KIAA2012: variants seen among roughly 807,000 people sequenced by gnomAD.
The protein encoded by KIAA2012 is uncharacterized protein KIAA2012.
Under a neutral mutation model 150.6 loss-of-function variants are expected in KIAA2012, and 125 were observed. The observed-to-expected ratio is 0.83, with a 90% CI of 0.72 to 0.96. KIAA2012 has a LOEUF of 0.96. Among genes scored for constraint, KIAA2012 ranks in the 40% least tolerant of loss-of-function variants. The pLI, the probability that KIAA2012 is intolerant of heterozygous loss-of-function variation, is 0.00. For synonymous variants in KIAA2012, 462 were observed against 504.7 expected (o/e 0.92, Z 1.13); for missense variants, 1,219 against 1,354.9 (o/e 0.90, Z 1.57).
chr2:202,084,362 G>A (rs1435520339), intron 2 of KIAA2012, among the ~76,000 whole-genome samples: 2 of 152,184 alleles, frequency 1.3e-5, no homozygotes, highest in African/African-American at 4.8e-5. Context: ...AAGACAGCCA[G>A]TGCGGGGGAA....
At chr2:202,201,308 T>A in intron 22 of KIAA2012, 8 of 1,585,224 alleles carry the variant, frequency 5.0e-6, no homozygotes, top group Non-Finnish European at 6.9e-6. Flanking sequence ...TTAATATGAC[T>A]ACAGCAGTTA....
At chr2:202,198,495 AG>A (rs931312556) in intron 22 of KIAA2012, among the ~76,000 whole-genome samples, 1 of 152,228 alleles carries the variant, frequency 6.6e-6, no homozygotes, top group Non-Finnish European at 1.5e-5. Flanking sequence ...CCTTGTTAGA[AG>A]AAAAAGCACA....
chr2:202,200,838 C>G (rs1334745137), intron 22 of KIAA2012, among the ~76,000 whole-genome samples: 3 of 151,430 alleles, frequency 2.0e-5, no homozygotes, highest in Non-Finnish European at 4.4e-5. Flanking sequence ...TCCTGAGTAG[C>G]TGGGATTACA....
intron 11 of KIAA2012, 133 bp downstream of exon 11, chr2:202,113,579 T>G (rs1413448171): frequency 1.3e-5 from 8 of 622,190 alleles, no homozygotes; most frequent in African/African-American, 1.8e-5. Flanking sequence ...TTCTCCCCTT[T>G]CACCGACACA....
intron 14 of KIAA2012, among the ~76,000 whole-genome samples, chr2:202,164,335 C>G (rs958360995): frequency 4.6e-5 from 7 of 152,186 alleles, no homozygotes; most frequent in African/African-American, 1.7e-4. Context: ...ACCCTAGAAG[C>G]CTTAAAATGC....
Position 202,193,233 on chromosome 2 carries a change from G to A in KIAA2012, c.2812-68G>A, listed in dbSNP as rs1692352107. On this transcript the variant is annotated intron_variant, in intron 19 of 23. Transcript: ENST00000498697. ...TTGATTAGAGACAACACTGTCTGGG[G>A]TGGAGAAGGGCTCACTGCTGAGACA... The A allele has an allele frequency of 8.4e-6, 12 of 1,422,714 alleles. No individual in the cohort carries two copies. In the Admixed American group the frequency reaches 1.2e-4, roughly 14 times the overall value. 88.1% of individuals were successfully genotyped at this position (1,422,714 alleles called of 1,614,324 possible). A position where few individuals can be genotyped will look rare whatever the true frequency, so the allele number is the denominator to read the frequency against.
chr2:202,084,678 A>T (rs1010430915), intron 2 of KIAA2012, among the ~76,000 whole-genome samples: 1 of 152,102 alleles, frequency 6.6e-6, no homozygotes, highest in Non-Finnish European at 1.5e-5. Flanking sequence ...TATATTTTAG[A>T]GTGACTTTTG....
intron 13 of KIAA2012, 143 bp downstream of exon 13, chr2:202,138,651 A>G: frequency 3.4e-6 from 2 of 595,012 alleles, no homozygotes; most frequent in East Asian, 2.9e-5. Flanking sequence ...CAAGTAGACT[A>G]TGAAATCACA....
Position 202,113,399 on chromosome 2 carries a change from T to C in KIAA2012, c.1715T>C (p.Leu572Pro), listed in dbSNP as rs1243931697. ...GGTCCAGATGGAGAAAAAGTCTGCC[T>C]GTCCCTCCCAGGGCATACCCAAACC... The part of the protein sequence containing the change: ...LLGPDGEKVC[L>P]SLPGHTQTEA... The change falls in exon 11 of 24, where the codon CTG (leucine) becomes CCG (proline). Residue 572 changes from leucine to proline, a missense_variant. Transcript: ENST00000498697. The C allele has an allele frequency of 1.9e-6, 3 of 1,550,496 alleles. No individual in the cohort carries two copies. Among genetic ancestry groups the C allele is most frequent in the East Asian group, 2.4e-5 (1 of 40,900 alleles).
chr2:202,190,098 AG>A, intron 18 of KIAA2012, 75 bp from the exon 19 acceptor site: 1 of 1,238,880 alleles, frequency 8.1e-7, no homozygotes, highest in East Asian at 2.7e-5. Context: ...AAAAAAAAAA[AG>A]TTACTAAAAA....
At chr2:202,132,073 G>A (rs1017276433) in intron 12 of KIAA2012, among the ~76,000 whole-genome samples, 1 of 152,150 alleles carries the variant, frequency 6.6e-6, no homozygotes, top group Non-Finnish European at 1.5e-5. Flanking sequence ...CTACTCGGGA[G>A]GCTGAGGCAG....
At chr2:202,102,081 G>A (rs1490283891) in intron 7 of KIAA2012, among the ~76,000 whole-genome samples, 1 of 152,024 alleles carries the variant, frequency 6.6e-6, no homozygotes, top group Admixed American at 6.6e-5. Context: ...TATGTTAAAA[G>A]TTGCAAACTA....
intron 22 of KIAA2012, among the ~76,000 whole-genome samples, chr2:202,199,460 T>C (rs1251148702): frequency 6.6e-6 from 1 of 152,138 alleles, no homozygotes; most frequent in East Asian, 1.9e-4. Flanking sequence ...ATTTTTTATT[T>C]TTTTTATTTT....
chr2:202,117,924 T>A (rs1286062312), intron 11 of KIAA2012, among the ~76,000 whole-genome samples: 1 of 152,174 alleles, frequency 6.6e-6, no homozygotes, highest in African/African-American at 2.4e-5. Context: ...ATCATGTGGA[T>A]CTAAAAAGTT....
intron 12 of KIAA2012, chr2:202,125,870 T>C (rs1690770957): frequency 2.2e-6 from 1 of 450,574 alleles, no homozygotes; most frequent in Non-Finnish European, 4.4e-6. Flanking sequence ...GATGATGACC[T>C]GGAGACTTTC....
chr2:202,118,032 G>T (rs979255428), intron 11 of KIAA2012, among the ~76,000 whole-genome samples: 1 of 152,140 alleles, frequency 6.6e-6, no homozygotes, highest in South Asian at 2.1e-4. Context: ...AGATTCTCTC[G>T]GTGGAGCAGT....
chr2:202,126,938 T>C (rs1690805740), intron 12 of KIAA2012, among the ~76,000 whole-genome samples: 1 of 152,134 alleles, frequency 6.6e-6, no homozygotes, highest in Non-Finnish European at 1.5e-5. Flanking sequence ...TCTGACAATA[T>C]ATGAGAGTTT....
intron 4 of KIAA2012, among the ~76,000 whole-genome samples, chr2:202,094,097 C>T (rs1689802111): frequency 6.6e-6 from 1 of 152,182 alleles, no homozygotes; most frequent in South Asian, 2.1e-4. Flanking sequence ...GCCTGGGCAA[C>T]ATAGTGAGAC....
intron 13 of KIAA2012, among the ~76,000 whole-genome samples, chr2:202,150,888 T>G (rs1691413418): frequency 6.6e-6 from 1 of 152,188 alleles, no homozygotes; most frequent in African/African-American, 2.4e-5. Flanking sequence ...CTCCTGTACC[T>G]TTAGAGACCT....
Sources: gnomAD v4.1 joint callset for allele counts (sites outside exome capture counted in the v4.1 genomes callset) on GRCh38, gnomAD v4.1.1 for gene constraint, MANE v1.5 for transcripts, NCBI Gene and HGNC (gene_info 2026-07-23, HGNC 2026-07-21) for gene names.